SNTG1: variants seen among roughly 807,000 people sequenced by gnomAD.
SNTG1 encodes the protein gamma-1-syntrophin.
A neutral mutation model predicts 74.7 loss-of-function variants in SNTG1; 39 were observed. The observed-to-expected ratio is 0.52, with a 90% CI of 0.40 to 0.68. The LOEUF (loss-of-function observed/expected upper bound fraction) is 0.68, where lower values mean the gene tolerates loss of function less well. Among genes scored for constraint, SNTG1 ranks in the 30% least tolerant of loss-of-function variants. SNTG1 has a pLI of 0.00. For missense variants in SNTG1, 685 were observed against 609.5 expected (o/e 1.12, Z -1.30); for synonymous variants, 254 against 217.1 (o/e 1.17, Z -1.49).
At position 50,590,926 on chromosome 8, in the gene SNTG1, A is replaced by G. The variant is rs752872117; in HGVS notation, c.849+9A>G. The G allele has an allele frequency of 1.1e-5, 17 of 1,552,418 alleles. No individual in the cohort carries two copies. Among genetic ancestry groups the G allele is most frequent in the Middle Eastern group, 1.7e-4 (1 of 5,820 alleles). On this transcript the variant is annotated intron_variant, in intron 13 of 18. Transcript: ENST00000642720. ...TTCCTGTAAACCAGCAGGTAAGATC[A>G]AAGCATACTTGGAAAGCTAAATAAT...
At chr8:50,691,348 G>T (rs921660814) in intron 15 of SNTG1, among the ~76,000 whole-genome samples, 2 of 152,142 alleles carry the variant, frequency 1.3e-5, no homozygotes, top group African/African-American at 4.8e-5. Context: ...TAGCCTTGAT[G>T]GTCTTTACAA....
intron 2 of SNTG1, among the ~76,000 whole-genome samples, chr8:50,234,105 A>T (rs974524189): frequency 2.0e-5 from 3 of 151,982 alleles, no homozygotes; most frequent in Non-Finnish European, 2.9e-5. Context: ...ATACACAATT[A>T]TTCATACCAA....
intron 2 of SNTG1, among the ~76,000 whole-genome samples, chr8:50,174,510 C>T (rs890601381): frequency 6.6e-6 from 1 of 152,144 alleles, no homozygotes; most frequent in African/African-American, 2.4e-5. Context: ...TTTCATCATT[C>T]ATGTAAACTC....
intron 4 of SNTG1, among the ~76,000 whole-genome samples, chr8:50,411,706 C>A (rs1395103790): frequency 6.6e-6 from 1 of 152,046 alleles, no homozygotes; most frequent in Non-Finnish European, 1.5e-5. Context: ...TGTGATGTTT[C>A]TTTTTTGCCA....
intron 1 of SNTG1, among the ~76,000 whole-genome samples, chr8:50,110,543 AC>A (rs1394270023): frequency 2.6e-5 from 4 of 151,980 alleles, no homozygotes; most frequent in Non-Finnish European, 5.9e-5. Context: ...ATAACCCTGA[AC>A]CCTCTTAGCA....
At chr8:50,447,683 C>T (rs1415372097) in intron 5 of SNTG1, among the ~76,000 whole-genome samples, 1 of 151,966 alleles carries the variant, frequency 6.6e-6, no homozygotes, top group East Asian at 1.9e-4. Context: ...AAACAAACTA[C>T]CAAAAAATGT....
intron 8 of SNTG1, among the ~76,000 whole-genome samples, chr8:50,502,289 T>C (rs1455202140): frequency 6.6e-6 from 1 of 152,210 alleles, no homozygotes; most frequent in African/African-American, 2.4e-5. Flanking sequence ...GAATTAGTAC[T>C]CTGGTCAATA....
chr8:50,402,338 T>C lies in SNTG1; in HGVS notation c.156T>C (p.Tyr52=). 6.3e-7 allele frequency: 1 copy of C among 1,590,818 alleles called. No homozygotes were observed. The highest frequency in any genetic ancestry group is 8.5e-7 in the Non-Finnish European group (1 of 1,174,188). Residue 52 remains tyrosine, a synonymous_variant, in exon 4 of 19, where the codon TAT becomes TAC. Coordinates refer to ENST00000642720, the MANE Select transcript of SNTG1 (RefSeq NM_018967.5). ...DVICVSGEPF[Y]SGERTVTIRR... ...TATGTGTGTCTGGTGAGCCTTTCTA[T>C]TCTGGTGTAAGTAGCTTTTTCTTCT...
chr8:50,293,400 CTTCTTTTTTTTTTT>C (rs1192794160), intron 2 of SNTG1, among the ~76,000 whole-genome samples: 21 of 116,236 alleles, frequency 1.8e-4, no homozygotes, highest in Non-Finnish European at 2.1e-4. Context: ...CCTTAGTAGG[CTTCTTTTTTTTTTT>C]TTCTTTTTTT....
intron 13 of SNTG1, among the ~76,000 whole-genome samples, chr8:50,656,643 C>T (rs995073908): frequency 1.3e-5 from 2 of 151,818 alleles, no homozygotes; most frequent in Non-Finnish European, 2.9e-5. Flanking sequence ...AAATATAATC[C>T]ATGGCAGGTT....
At chr8:50,522,313 G>A (rs544842238) in intron 9 of SNTG1, among the ~76,000 whole-genome samples, 1 of 151,776 alleles carries the variant, frequency 6.6e-6, no homozygotes, top group African/African-American at 2.4e-5. Flanking sequence ...GTTTCAGGGT[G>A]TGTGTGTGTG....
chr8:50,738,832 A>G lies in SNTG1; in HGVS notation c.1285-13169A>G, dbSNP rs567712271. Among the ~76,000 whole-genome samples the G allele has an allele frequency of 5.9e-5, 9 of 152,230 alleles. No individual in the cohort carries two copies. The South Asian group carries it at 1.9e-3, about 32-fold the overall frequency. On this transcript the variant is annotated intron_variant, in intron 17 of 18. Transcript: ENST00000642720. Reference sequence around the variant, plus strand: ...TGGGGAAAGGATTCCCTATTTAATAAATGGTGCTAGGAAAACTGGCTAGCC... The same window carrying G: ...TGGGGAAAGGATTCCCTATTTAATAGATGGTGCTAGGAAAACTGGCTAGCC...
intron 2 of SNTG1, among the ~76,000 whole-genome samples, chr8:50,246,481 AG>A (rs1334966005): frequency 5.5e-5 from 8 of 145,806 alleles, no homozygotes; most frequent in African/African-American, 2.0e-4. Flanking sequence ...AACATTACTA[AG>A]TGAAGAAACA....
At chr8:50,552,884 T>A (rs1272747756) in intron 11 of SNTG1, among the ~76,000 whole-genome samples, 166 bp from the exon 12 acceptor site, 1 of 152,216 alleles carries the variant, frequency 6.6e-6, no homozygotes, top group Non-Finnish European at 1.5e-5. Context: ...CTATCTTCAG[T>A]GTTTCATTTA....
chr8:50,021,512 T>A (rs1021305500), intron 1 of SNTG1, among the ~76,000 whole-genome samples: 1 of 152,178 alleles, frequency 6.6e-6, no homozygotes, highest in African/African-American at 2.4e-5. Flanking sequence ...CTAATGAAAT[T>A]TTCTGTATGT....
chr8:50,673,745 G>T (rs900001148), intron 15 of SNTG1, among the ~76,000 whole-genome samples: 5 of 152,112 alleles, frequency 3.3e-5, no homozygotes, highest in Non-Finnish European at 7.4e-5. Context: ...GGGCATCCTT[G>T]TCTCATACCG....
intron 1 of SNTG1, among the ~76,000 whole-genome samples, chr8:50,104,979 T>C (rs896646726): frequency 6.6e-6 from 1 of 152,142 alleles, no homozygotes; most frequent in Non-Finnish European, 1.5e-5. Flanking sequence ...TTTCTTCCAT[T>C]CTGTAGGTTG....
chr8:50,286,969 G>A (rs182098962), intron 2 of SNTG1: 15 of 152,180 alleles, frequency 9.9e-5, no homozygotes, highest in Admixed American at 6.5e-4. Flanking sequence ...CCAGTACCTA[G>A]CATCATTAAT....
intron 1 of SNTG1, among the ~76,000 whole-genome samples, chr8:50,117,430 CT>C (rs1293831533): frequency 6.6e-6 from 1 of 151,998 alleles, no homozygotes; most frequent in African/African-American, 2.4e-5. Flanking sequence ...AGATTGATTC[CT>C]GACATCAGTA....
Sources: allele counts gnomAD v4.1 joint callset (sites outside exome capture counted in the v4.1 genomes callset), GRCh38; gene constraint gnomAD v4.1.1; transcripts MANE v1.5; gene names NCBI Gene and HGNC (gene_info 2026-07-23, HGNC 2026-07-21).